The following KCNIP4 variants were observed in gnomAD, a reference collection of about 807,000 sequenced individuals.
KCNIP4 encodes the protein Kv channel-interacting protein 4.
A neutral mutation model predicts 34.0 loss-of-function variants in KCNIP4; 12 were observed. The ratio of observed to expected loss-of-function variants is 0.35; its 90% CI spans 0.23 to 0.57. The LOEUF is 0.57. KCNIP4 is among the 20% of genes least tolerant of loss of function. The pLI is 0.83. For missense variants in KCNIP4, 238 were observed against 311.7 expected (o/e 0.76, Z 1.78); for synonymous variants, 124 against 102.2 (o/e 1.21, Z -1.29).
chr4:21,340,953 T>C (rs1207154303), intron 1 of KCNIP4, among the ~76,000 whole-genome samples: 1 of 152,172 alleles, frequency 6.6e-6, no homozygotes, highest in Non-Finnish European at 1.5e-5. Context: ...CCTCAGAATG[T>C]GACCTTATTG....
chr4:21,614,094 G>A (rs769522151), intron 1 of KCNIP4, among the ~76,000 whole-genome samples: 1 of 151,328 alleles, frequency 6.6e-6, no homozygotes, highest in Admixed American at 6.6e-5. Context: ...GCAGTGAGCC[G>A]AGATGGTGGG....
chr4:20,864,963 A>G (rs1158971), intron 2 of KCNIP4, among the ~76,000 whole-genome samples: 48,623 of 151,972 alleles, frequency 0.32, 8,946 homozygotes, highest in Admixed American at 0.43. Flanking sequence ...TCAGAAGCAG[A>G]TACTGATAAT....
chr4:21,888,148 C>T (rs1726893034), intron 1 of KCNIP4, among the ~76,000 whole-genome samples: 1 of 152,090 alleles, frequency 6.6e-6, no homozygotes, highest in Non-Finnish European at 1.5e-5. Flanking sequence ...AAGTGACTTA[C>T]CCCAAGGTCT....
intron 1 of KCNIP4, among the ~76,000 whole-genome samples, chr4:20,952,813 A>G (rs1467086054): frequency 6.6e-6 from 1 of 152,220 alleles, no homozygotes; most frequent in African/African-American, 2.4e-5. Flanking sequence ...TAATTTATAA[A>G]CAACAGAATT....
intron 1 of KCNIP4, among the ~76,000 whole-genome samples, chr4:21,469,027 CTATTA>C (rs561014060): frequency 6.6e-6 from 1 of 151,852 alleles, no homozygotes; most frequent in Non-Finnish European, 1.5e-5. Context: ...ACACTTTATT[CTATTA>C]TATTATTATA....
chr4:20,969,480 C>T (rs781169525), intron 1 of KCNIP4, among the ~76,000 whole-genome samples: 17 of 152,080 alleles, frequency 1.1e-4, no homozygotes, highest in Admixed American at 3.9e-4. Context: ...CCCAAACCCC[C>T]GGTTACTCCT....
chr4:21,107,650 A>T (rs1028421596), intron 1 of KCNIP4, among the ~76,000 whole-genome samples: 4 of 150,984 alleles, frequency 2.6e-5, no homozygotes, highest in African/African-American at 7.4e-5. Flanking sequence ...TTAAGATGTT[A>T]GCTGGTTATT....
chr4:21,632,956 T>C (rs1301539599), intron 1 of KCNIP4, among the ~76,000 whole-genome samples: 1 of 152,232 alleles, frequency 6.6e-6, no homozygotes, highest in Non-Finnish European at 1.5e-5. Context: ...ATACTGAGGT[T>C]ATATTTATGA....
chr4:21,534,842 G>A (rs1485263819), intron 1 of KCNIP4, among the ~76,000 whole-genome samples: 1 of 152,108 alleles, frequency 6.6e-6, no homozygotes, highest in Non-Finnish European at 1.5e-5. Context: ...CTCCATGAGG[G>A]GCAGAAGTTT....
At chr4:20,809,397 C>T (rs563218318) in intron 3 of KCNIP4, among the ~76,000 whole-genome samples, 1 of 152,190 alleles carries the variant, frequency 6.6e-6, no homozygotes, top group South Asian at 2.1e-4. Context: ...GTTGTTTGAC[C>T]TACTTCATTC....
At chr4:21,450,536 C>G (rs2109741492) in intron 1 of KCNIP4, among the ~76,000 whole-genome samples, 1 of 151,862 alleles carries the variant, frequency 6.6e-6, no homozygotes, top group South Asian at 2.1e-4. Flanking sequence ...TTTTTGCTGA[C>G]CATGAAAAAA....
intron 1 of KCNIP4, among the ~76,000 whole-genome samples, chr4:21,672,861 C>G (rs966279194): frequency 6.6e-6 from 1 of 152,226 alleles, no homozygotes; most frequent in African/African-American, 2.4e-5. Context: ...ATCTGAAGGT[C>G]TGTCAGGCCT....
intron 1 of KCNIP4, among the ~76,000 whole-genome samples, chr4:21,252,250 C>A (rs1003579479): frequency 6.6e-6 from 1 of 151,572 alleles, no homozygotes; most frequent in Non-Finnish European, 1.5e-5. Flanking sequence ...GCCTCAGCCT[C>A]CCGAGTAGCC....
At chr4:21,172,569 T>C (rs1560780138) in intron 1 of KCNIP4, among the ~76,000 whole-genome samples, 2 of 152,194 alleles carry the variant, frequency 1.3e-5, no homozygotes, top group Non-Finnish European at 2.9e-5. Flanking sequence ...AAGGAAAGGA[T>C]GATTTTGAAT....
At chr4:21,504,485 AAG>A (rs1309365530) in intron 1 of KCNIP4, among the ~76,000 whole-genome samples, 8 of 133,900 alleles carry the variant, frequency 6.0e-5, no homozygotes, top group African/African-American at 2.6e-4. Flanking sequence ...AAAAGAAAGA[AAG>A]AAAGAAAGAA....
chr4:21,291,930 AGAAAG>A lies in KCNIP4; in HGVS notation c.62-409226_62-409222del, dbSNP rs1335869275. Among the ~76,000 whole-genome samples the A allele has an allele frequency of 6.3e-4, 59 of 93,630 alleles. 2 individuals are homozygous for A. Among genetic ancestry groups the A allele is most frequent in the African/African-American group, 3.0e-3 (41 of 13,554 alleles). 61.4% of individuals were successfully genotyped at this position (93,630 alleles called of 152,430 possible). A position where few individuals can be genotyped will look rare whatever the true frequency, so the allele number is the denominator to read the frequency against. On this transcript the variant is annotated intron_variant, in intron 1 of 8. Transcript: ENST00000382152. The stretch of plus-strand genomic sequence containing the variant: ...AAGAAAGAAAGAAAGAAAGAAAGAA[AGAAAG>A]AAAAAAAAAGAAAAAAGTCTGATGA...
chr4:21,355,097 A>C (rs1383119659), intron 1 of KCNIP4, among the ~76,000 whole-genome samples: 1 of 152,182 alleles, frequency 6.6e-6, no homozygotes, highest in Non-Finnish European at 1.5e-5. Context: ...TGTTCTTTGA[A>C]ACCAATGAGA....
chr4:21,210,572 T>A (rs1002833927), intron 1 of KCNIP4, among the ~76,000 whole-genome samples: 1 of 152,214 alleles, frequency 6.6e-6, no homozygotes, highest in Admixed American at 6.5e-5. Flanking sequence ...AAGTAGGTTT[T>A]ATCTAATAAC....
intron 1 of KCNIP4, among the ~76,000 whole-genome samples, chr4:21,414,306 T>C (rs989294449): frequency 3.9e-5 from 6 of 152,262 alleles, no homozygotes; most frequent in East Asian, 3.9e-4. Flanking sequence ...AAACATAAAG[T>C]GCAAAGACTA....
Sources: gnomAD v4.1 joint callset for allele counts (sites outside exome capture counted in the v4.1 genomes callset) on GRCh38, gnomAD v4.1.1 for gene constraint, MANE v1.5 for transcripts, NCBI Gene and HGNC (gene_info 2026-07-23, HGNC 2026-07-21) for gene names.